The following ATF3 variants were observed in gnomAD, a reference collection of about 807,000 sequenced individuals.
ATF3 encodes activating transcription factor 3.
ATF3 carries 10 observed loss-of-function variants against 18.4 expected under a neutral mutation model. That is an observed-to-expected ratio of 0.54 (90% confidence interval 0.34 to 0.92). ATF3 has a LOEUF of 0.92. ATF3 is among the 40% of genes least tolerant of loss of function. The probability of loss-of-function intolerance (pLI) is 0.02; values close to 1 mark genes in which losing one functional copy is unlikely to be tolerated. For missense variants in ATF3, 183 were observed against 222.3 expected, an observed-to-expected ratio of 0.82 and a Z score of 1.12; for synonymous variants, 78 against 87.9, an observed-to-expected ratio of 0.89 and a Z score of 0.63.
At chr1:212,611,839 T>C (rs1241264755) in intron 1 of ATF3, among the ~76,000 whole-genome samples, 1 of 152,224 alleles carries the variant, frequency 6.6e-6, no homozygotes, top group East Asian at 1.9e-4. Context: ...TGATTTCTGA[T>C]TGGAAATAAT....
At chr1:212,620,777 A>G (rs1472488694), downstream of ATF3, 1 of 152,528 alleles carries the variant, frequency 6.6e-6, no homozygotes, top group Non-Finnish European at 1.5e-5. Flanking sequence ...CATGGTAAAC[A>G]TGTGTTGTGC....
At chr1:212,608,526 G>A (rs892433714), upstream of ATF3, 3 of 152,768 alleles carry the variant, frequency 2.0e-5, no homozygotes, top group African/African-American at 7.2e-5. Context: ...GCGAGGCTGG[G>A]GGAACGCGCC....
intron 1 of ATF3, among the ~76,000 whole-genome samples, chr1:212,595,640 A>G (rs1377670285): frequency 6.6e-6 from 1 of 152,184 alleles, no homozygotes; most frequent in African/African-American, 2.4e-5. Context: ...AAACAAAAAT[A>G]TCCTCTAAGA....
chr1:212,616,304 CT>C (rs74690153), intron 2 of ATF3, among the ~76,000 whole-genome samples: 37,577 of 150,092 alleles, frequency 0.25, 5,409 homozygotes, highest in East Asian at 0.44. Flanking sequence ...CACACACACA[CT>C]TTTTTTTTTG....
At chr1:212,592,229 A>G (rs77476649) in intron 1 of ATF3, among the ~76,000 whole-genome samples, 1,562 of 152,308 alleles carry the variant, frequency 0.01, 12 homozygotes, top group East Asian at 0.026. Context: ...CAGACACTTC[A>G]TCTAAGTGAA....
intron 1 of ATF3, among the ~76,000 whole-genome samples, chr1:212,597,498 C>A (rs139904351): frequency 9.9e-5 from 15 of 152,206 alleles, no homozygotes; most frequent in African/African-American, 2.6e-4. Context: ...ATCTATCTAG[C>A]AATCATCTAT....
At chr1:212,574,753 G>A (rs976751212) in intron 1 of ATF3, among the ~76,000 whole-genome samples, 2 of 151,986 alleles carry the variant, frequency 1.3e-5, no homozygotes, top group African/African-American at 4.8e-5. Flanking sequence ...CCAGTCTCAT[G>A]AGTTCCTCCC....
At chr1:212,601,196 G>C (rs1220415359) in intron 1 of ATF3, among the ~76,000 whole-genome samples, 1 of 152,164 alleles carries the variant, frequency 6.6e-6, no homozygotes, top group African/African-American at 2.4e-5. Flanking sequence ...AGTCCAAAAA[G>C]CCCTACTCAG....
intron 1 of ATF3, among the ~76,000 whole-genome samples, chr1:212,573,300 A>AT (rs2102621399): frequency 6.6e-6 from 1 of 152,206 alleles, no homozygotes; most frequent in African/African-American, 2.4e-5. Flanking sequence ...ATTTGTAATT[A>AT]TTTTTTAATA....
chr1:212,586,450 T>C (rs58876418), intron 1 of ATF3, among the ~76,000 whole-genome samples: 18,057 of 152,256 alleles, frequency 0.12, 2,041 homozygotes, highest in African/African-American at 0.3. Context: ...AGTGACTCCA[T>C]GGGGCATCTT....
chr1:212,591,060 C>T (rs937815575), intron 1 of ATF3, among the ~76,000 whole-genome samples: 6 of 152,212 alleles, frequency 3.9e-5, no homozygotes, highest in South Asian at 2.1e-4. Context: ...CTTTTTCAGC[C>T]GCCTCTTCCC....
chr1:212,584,079 C>G (rs765617024), intron 1 of ATF3, among the ~76,000 whole-genome samples: 19 of 152,014 alleles, frequency 1.2e-4, no homozygotes, highest in Non-Finnish European at 2.8e-4. Context: ...ACACAGGGTA[C>G]TCATAGTACT....
chr1:212,585,906 G>A (rs1200775864), intron 1 of ATF3, among the ~76,000 whole-genome samples: 1 of 152,112 alleles, frequency 6.6e-6, no homozygotes, highest in Non-Finnish European at 1.5e-5. Flanking sequence ...TTGTTGAGGT[G>A]TGAGGTTCCC....
chr1:212,605,157 C>A (rs1036590191), upstream of ATF3, among the ~76,000 whole-genome samples: 2 of 152,224 alleles, frequency 1.3e-5, no homozygotes, highest in African/African-American at 4.8e-5. Flanking sequence ...AATGTCACAA[C>A]AATCTTATGC....
chr1:212,618,777 A>G lies in ATF3; in HGVS notation c.348+543A>G, dbSNP rs1328619303. 2 of 547,198 alleles carry G rather than the reference A, an allele frequency of 3.7e-6. No individual in the cohort carries two copies. Among genetic ancestry groups the G allele is most frequent in the Admixed American group, 6.1e-5 (2 of 32,742 alleles). 33.9% of individuals were successfully genotyped at this position (547,198 alleles called of 1,614,324 possible). On this transcript the variant is annotated intron_variant, in intron 3 of 3. Transcript: ENST00000341491. The surrounding 1 kb of genome is among the most constrained non-coding windows in gnomAD (Gnocchi z 4.4). ...GGCCCGCCTGAGAGACACTAGGGGA[A>G]ATAGCTTTTGTGGGCAAGCAGGGTG...
At chr1:212,609,529 G>A (rs940113996) in intron 1 of ATF3, among the ~76,000 whole-genome samples, 2 of 152,230 alleles carry the variant, frequency 1.3e-5, no homozygotes, top group African/African-American at 4.8e-5. Context: ...CAGCACTGGC[G>A]GCAGGACCGT....
At position 212,618,709 on chromosome 1, in the gene ATF3, C is replaced by G; in HGVS notation, c.348+475C>G. The G allele has an allele frequency of 2.2e-6, 1 of 465,012 alleles. No homozygotes were observed. Among genetic ancestry groups the G allele is most frequent in the Non-Finnish European group, 3.9e-6 (1 of 253,740 alleles). The allele number at this position is 465,012 out of a possible 1,614,324, so 28.8% of individuals were successfully genotyped here. A position where few individuals can be genotyped will look rare whatever the true frequency, so the allele number is the denominator to read the frequency against. On this transcript the variant is annotated intron_variant, in intron 3 of 3. Transcript: ENST00000341491. This position sits in a 1 kb window ranked among gnomAD's most constrained non-coding sequence, Gnocchi z 4.4. ...TGGTTCCTAACTCTAGAGCCCTTCT[C>G]CCTGGCTTAGCCAGTAAGCTGAGCC...
rs555871258 is a variant in ATF3 at position 212,618,430 on chromosome 1, A to T, written c.348+196A>T. Reference sequence around the variant, plus strand: ...GTTAACACAATGGATGTGACGGTGGATGTATAAAAACAGGTGTGTGAATTC... The same window carrying T: ...GTTAACACAATGGATGTGACGGTGGTTGTATAAAAACAGGTGTGTGAATTC... On this transcript the variant is annotated intron_variant, in intron 3 of 3. Transcript: ENST00000341491. This position sits in a 1 kb window ranked among gnomAD's most constrained non-coding sequence, Gnocchi z 4.4. 7.8e-6 allele frequency: 5 copies of T among 637,524 alleles called. No individual in the cohort carries two copies. The highest frequency in any genetic ancestry group is 7.3e-5 in the African/African-American group (4 of 54,908). 39.5% of individuals were successfully genotyped at this position (637,524 alleles called of 1,614,324 possible).
chr1:212,590,636 G>A (rs1664866403), intron 1 of ATF3, among the ~76,000 whole-genome samples: 1 of 152,084 alleles, frequency 6.6e-6, no homozygotes, highest in Non-Finnish European at 1.5e-5. Flanking sequence ...GTAACAGGTG[G>A]AAATACTCAA....
Sources: gnomAD v4.1 joint callset for allele counts (sites outside exome capture counted in the v4.1 genomes callset) on GRCh38, gnomAD v4.1.1 for gene constraint, Gnocchi (gnomAD v3.1) non-coding constraint, MANE v1.5 for transcripts, NCBI Gene and HGNC (gene_info 2026-07-23, HGNC 2026-07-21) for gene names.